Variants in ZC3H12B observed in about 807,000 individuals in gnomAD.
The protein encoded by ZC3H12B is zinc finger CCCH-type containing 12B.
A neutral mutation model predicts 43.9 loss-of-function variants in ZC3H12B; 7 were observed. That is an observed-to-expected ratio of 0.16 (90% CI 0.09 to 0.30). The LOEUF is 0.30. ZC3H12B is among the 10% of genes least tolerant of loss of function. The pLI is 1.00. For missense variants in ZC3H12B, 475 were observed against 670.2 expected (o/e 0.71, Z 3.22); for synonymous variants, 222 against 241.7 (o/e 0.92, Z 0.76).
the ZC3H12B span, among the ~76,000 whole-genome samples, chrX:65,108,647 A>C: frequency 9.0e-6 from 1 of 111,108 alleles, no homozygotes; most frequent in African/African-American, 3.3e-5. Flanking sequence ...CTTAAAAAAA[A>C]AAAAACTAAG....
chrX:65,451,357 A>T (rs749516512), intron 3 of ZC3H12B, among the ~76,000 whole-genome samples: 4 of 111,256 alleles, frequency 3.6e-5, no homozygotes, highest in Non-Finnish European at 7.5e-5. Flanking sequence ...TAGTGTATGG[A>T]ACTTCTTTTA....
chrX:65,501,303 G>A (rs746116933), intron 4 of ZC3H12B, among the ~76,000 whole-genome samples: 12 of 99,802 alleles, frequency 1.2e-4, no homozygotes, highest in Middle Eastern at 5.1e-3. Context: ...CTGGGCTGGA[G>A]ATCAGTGGCA....
the ZC3H12B span, among the ~76,000 whole-genome samples, chrX:65,167,814 G>A: frequency 4.5e-5 from 5 of 111,653 alleles, no homozygotes; most frequent in Non-Finnish European, 9.4e-5. Flanking sequence ...GTGAATGTGA[G>A]TTCACTCATG....
the ZC3H12B span, among the ~76,000 whole-genome samples, chrX:65,159,060 T>C: frequency 1.8e-5 from 2 of 111,866 alleles, no homozygotes; most frequent in Non-Finnish European, 3.8e-5. Flanking sequence ...TTTTCTCAGG[T>C]TTGTCAAAGC....
chrX:65,132,709 T>C, the ZC3H12B span, among the ~76,000 whole-genome samples: 3 of 111,246 alleles, frequency 2.7e-5, no homozygotes, highest in Non-Finnish European at 5.7e-5. Flanking sequence ...TGGGGAGGTT[T>C]AGAAGCCTGG....
At chrX:65,155,645 G>GT in the ZC3H12B span, among the ~76,000 whole-genome samples, 2 of 111,182 alleles carry the variant, frequency 1.8e-5, no homozygotes, top group Non-Finnish European at 3.8e-5. Context: ...ATTGAGCCCA[G>GT]GAGTTTGAGA....
the ZC3H12B span, among the ~76,000 whole-genome samples, chrX:65,277,449 A>T: frequency 1.8e-5 from 2 of 112,034 alleles, no homozygotes; most frequent in Non-Finnish European, 3.8e-5. Context: ...AATCTACAGG[A>T]TTGGCCATAT....
intron 2 of ZC3H12B, among the ~76,000 whole-genome samples, chrX:65,370,034 C>G (rs902263886): frequency 9.0e-6 from 1 of 111,212 alleles, no homozygotes; most frequent in Non-Finnish European, 1.9e-5. Flanking sequence ...ATCACTTGAG[C>G]TCAGGAGTTC....
chrX:65,309,515 A>G, the ZC3H12B span, among the ~76,000 whole-genome samples: 1 of 111,885 alleles, frequency 8.9e-6, no homozygotes, highest in Non-Finnish European at 1.9e-5. Flanking sequence ...TAGCCTACCA[A>G]TCAAAAAAAT....
At chrX:65,143,243 GT>G in the ZC3H12B span, among the ~76,000 whole-genome samples, 1 of 110,745 alleles carries the variant, frequency 9.0e-6, no homozygotes, top group African/African-American at 3.3e-5. Context: ...TATTCTTAAG[GT>G]TTTTTTGTTT....
intron 1 of ZC3H12B, among the ~76,000 whole-genome samples, chrX:65,367,235 A>G (rs747456107): frequency 8.9e-6 from 1 of 112,011 alleles, no homozygotes; most frequent in African/African-American, 3.2e-5. Context: ...ATATAGGTAC[A>G]CAAGACTGAC....
chrX:65,127,842 G>C, the ZC3H12B span, among the ~76,000 whole-genome samples: 2 of 111,103 alleles, frequency 1.8e-5, no homozygotes, highest in South Asian at 3.8e-4. Flanking sequence ...CTCCCACACA[G>C]TTTACATTCC....
chrX:65,132,335 C>G, the ZC3H12B span, among the ~76,000 whole-genome samples: 2 of 111,199 alleles, frequency 1.8e-5, no homozygotes, highest in African/African-American at 3.3e-5. Flanking sequence ...GAAGCCCATG[C>G]TGTAGCAGGT....
At chrX:65,350,710 C>CCGTT in the ZC3H12B span, among the ~76,000 whole-genome samples, 1 of 111,478 alleles carries the variant, frequency 9.0e-6, no homozygotes, top group African/African-American at 3.3e-5. Flanking sequence ...GAGTGAACTC[C>CCGTT]CGTTCACATT....
intron 2 of ZC3H12B, among the ~76,000 whole-genome samples, chrX:65,372,131 A>G (rs1271064978): frequency 1.8e-5 from 2 of 112,159 alleles, no homozygotes; most frequent in East Asian, 2.8e-4. Context: ...CAAAGAAACT[A>G]CATTTCCCTT....
At chrX:65,078,944 T>G in the ZC3H12B span, among the ~76,000 whole-genome samples, 1 of 109,087 alleles carries the variant, frequency 9.2e-6, no homozygotes, top group African/African-American at 3.6e-5. Flanking sequence ...CACCATTTTT[T>G]GCTATCAAAT....
chrX:65,392,283 T>G (rs938780508), intron 2 of ZC3H12B, among the ~76,000 whole-genome samples: 1 of 102,619 alleles, frequency 9.7e-6, no homozygotes, highest in Non-Finnish European at 2.0e-5. Flanking sequence ...AAATGAGGAG[T>G]GCCTCTTCCC....
At chrX:65,068,919 T>G in the ZC3H12B span, among the ~76,000 whole-genome samples, 1 of 110,760 alleles carries the variant, frequency 9.0e-6, no homozygotes, top group African/African-American at 3.3e-5. Flanking sequence ...GTTTTTTTTT[T>G]TTTCCTTAAG....
At chrX:65,393,115 G>A (rs1373026486) in intron 2 of ZC3H12B, among the ~76,000 whole-genome samples, 1 of 110,750 alleles carries the variant, frequency 9.0e-6, no homozygotes, top group Non-Finnish European at 1.9e-5. Flanking sequence ...ACTGCGGAAG[G>A]CCACAGGGTC....
Sources: gnomAD v4.1 joint callset for allele counts (sites outside exome capture counted in the v4.1 genomes callset) on GRCh38, gnomAD v4.1.1 for gene constraint, MANE v1.5 for transcripts, NCBI Gene and HGNC (gene_info 2026-07-23, HGNC 2026-07-21) for gene names.